AXL: variants seen among roughly 807,000 people sequenced by gnomAD.
The protein encoded by AXL is AXL receptor tyrosine kinase, also known as tyrosine-protein kinase receptor UFO.
AXL carries 52 observed loss-of-function variants against 104.5 expected under a neutral mutation model. That is an observed-to-expected ratio of 0.50 (90% confidence interval 0.40 to 0.63). The LOEUF (loss-of-function observed/expected upper bound fraction) is 0.63, where lower values mean the gene tolerates loss of function less well. Among genes scored for constraint, AXL ranks in the 20% least tolerant of loss-of-function variants. AXL has a pLI of 0.00. For synonymous variants in AXL, 455 were observed against 473.7 expected, an observed-to-expected ratio of 0.96 and a Z score of 0.51; for missense variants, 1,024 against 1,188.5, an observed-to-expected ratio of 0.86 and a Z score of 2.04.
chr19:41,239,690 A>G lies in AXL; in HGVS notation c.1286-4A>G. The stretch of plus-strand genomic sequence containing the variant: ...CATCTCCTCTCTGTCCTTTCTTCTC[A>G]CAGGGCAAGCACAGCCAGTCCACCA... On this transcript the variant is annotated splice_region_variant and splice_polypyrimidine_tract_variant and intron_variant, in intron 9 of 19. Transcript: ENST00000301178. The G allele has an allele frequency of 6.2e-7, 1 of 1,614,032 alleles. No individual in the cohort carries two copies.
intron 4 of AXL, among the ~76,000 whole-genome samples, chr19:41,227,488 C>CTT (rs34569295): frequency 9.4e-4 from 127 of 135,482 alleles, no homozygotes; most frequent in African/African-American, 7.3e-4. Context: ...ACCCTGGGGC[C>CTT]TTTTTTTTTT....
At chr19:41,235,267 C>T (rs1397164349) in intron 6 of AXL, among the ~76,000 whole-genome samples, 1 of 152,088 alleles carries the variant, frequency 6.6e-6, no homozygotes, top group Non-Finnish European at 1.5e-5. Flanking sequence ...AAGAGAATCA[C>T]TTGAACCTGG....
intron 11 of AXL, 37 bp downstream of exon 11, chr19:41,243,052 G>A: frequency 6.2e-7 from 1 of 1,613,578 alleles, no homozygotes. Context: ...GTGTGGCCTG[G>A]GATGGAGAGG....
intron 9 of AXL, 25 bp from the exon 10 acceptor site, chr19:41,239,669 T>C: frequency 6.2e-7 from 1 of 1,614,082 alleles, no homozygotes; most frequent in South Asian, 1.1e-5. Flanking sequence ...TGAGCACATC[T>C]CCTCTCTGTC....
intron 1 of AXL, among the ~76,000 whole-genome samples, chr19:41,219,837 C>A (rs959890067): frequency 6.6e-6 from 1 of 151,566 alleles, no homozygotes. Flanking sequence ...GAAGGGGCAC[C>A]GAGTCAGGCA....
intron 8 of AXL, 120 bp downstream of exon 8, chr19:41,238,729 G>T (rs2034128381): frequency 3.7e-6 from 5 of 1,352,330 alleles, no homozygotes; most frequent in East Asian, 2.5e-5. Context: ...TGCCTAGGGG[G>T]CACATTCAGG....
At chr19:41,243,266 A>G (rs917815660) in intron 11 of AXL, among the ~76,000 whole-genome samples, 1 of 152,208 alleles carries the variant, frequency 6.6e-6, no homozygotes, top group Non-Finnish European at 1.5e-5. Context: ...TGAAAAATGC[A>G]AAAATTAGCG....
intron 6 of AXL, among the ~76,000 whole-genome samples, chr19:41,233,374 C>G (rs566880363): frequency 2.0e-5 from 3 of 148,714 alleles, no homozygotes; most frequent in Non-Finnish European, 3.0e-5. Flanking sequence ...ATCTGCTTGT[C>G]GTTTTAAACC....
At position 41,242,995 on chromosome 19, in the gene AXL, AAAG is replaced by A. The variant is rs1239260780; in HGVS notation, c.1429_1431del (p.Lys477del). The A allele has an allele frequency of 3.1e-6, 5 of 1,614,152 alleles. No individual in the cohort carries two copies. In the South Asian group the frequency reaches 3.3e-5, roughly 11 times the overall value. On this transcript the variant is annotated inframe_deletion, in exon 11 of 20. Coordinates refer to ENST00000301178, the MANE Select transcript of AXL (RefSeq NM_021913.5). The stretch of plus-strand genomic sequence containing the variant: ...TGGCTCTCTTCCTTGTCCACCGGCG[AAAG>A]AAGGAGACCCGTTATGGGTGAGTTG...
In AXL at chr19:41,256,439, C is replaced by G. The variant is rs919576259; in HGVS notation, c.2037-13C>G. On this transcript the variant is annotated splice_polypyrimidine_tract_variant and intron_variant, in intron 17 of 19. Transcript: ENST00000301178. ...TGATGCCCTGACCCTGTTCCTTTCCCCAATCCAAACAGGCTGAATGAGAAC... is the reference window on the plus strand; with the variant it reads ...TGATGCCCTGACCCTGTTCCTTTCCGCAATCCAAACAGGCTGAATGAGAAC... The G allele has an allele frequency of 1.9e-6, 3 of 1,608,170 alleles. No individual in the cohort carries two copies. The highest frequency in any genetic ancestry group is 1.7e-5 in the Admixed American group (1 of 59,940).
At position 41,220,640 on chromosome 19, in the gene AXL, G is replaced by T. The variant is rs201764420; in HGVS notation, c.90G>T (p.Thr30=). The change falls in exon 2 of 20, where the codon ACG becomes ACT. Residue 30 remains threonine, a synonymous_variant. Coordinates refer to ENST00000301178, the MANE Select transcript of AXL (RefSeq NM_021913.5). ...CGWACMAPRG[T]QAEESPFVGN... Reference sequence around the variant, plus strand: ...CTCTTCCCATCTCCCCTCCAGGCACGCAGGCTGAAGAAAGTCCCTTCGTGG... The same window carrying T: ...CTCTTCCCATCTCCCCTCCAGGCACTCAGGCTGAAGAAAGTCCCTTCGTGG... The T allele has an allele frequency of 3.2e-6, 5 of 1,571,964 alleles. No homozygotes were observed. In the African/African-American group the frequency reaches 5.4e-5, roughly 17 times the overall value.
rs1267961975 is a variant in AXL, at chr19:41,230,974, C to A, written c.594C>A (p.Asn198Lys). 1.9e-6 allele frequency: 3 copies of A among 1,613,876 alleles called. No homozygotes were observed. Among genetic ancestry groups the A allele is most frequent in the African/African-American group, 2.7e-5 (2 of 74,996 alleles). The change falls in exon 5 of 20, where the codon AAC (asparagine) becomes AAA (lysine). Residue 198 changes from asparagine (N) to lysine (K), a missense_variant. Physicochemically the swap from Asn to Lys is moderately conservative, Grantham distance 94. Coordinates refer to ENST00000301178, the MANE Select transcript of AXL (RefSeq NM_021913.5). ...CCTCATATGACTCCCTAGGGCTGAACAAGACATCCTCTTTCTCCTGCGAAG... is the reference window on the plus strand; with the variant it reads ...CCTCATATGACTCCCTAGGGCTGAAAAAGACATCCTCTTTCTCCTGCGAAG... ...PQRSLHVPGL[N>K]KTSSFSCEAH... is the part of the protein sequence containing the mutation.
chr19:41,257,880 C>T (rs1308391256), intron 19 of AXL, among the ~76,000 whole-genome samples: 1 of 152,272 alleles, frequency 6.6e-6, no homozygotes, highest in Non-Finnish European at 1.5e-5. Context: ...CACCCCCAAG[C>T]CAGGTATCCT....
At chr19:41,230,182 A>G (rs2122217178) in intron 4 of AXL, among the ~76,000 whole-genome samples, 1 of 144,312 alleles carries the variant, frequency 6.9e-6, no homozygotes, top group South Asian at 2.2e-4. Flanking sequence ...TCTGTGTGTG[A>G]GCATATGTGT....
At chr19:41,230,234 ATG>A (rs147921423) in intron 4 of AXL, among the ~76,000 whole-genome samples, 2 of 145,552 alleles carry the variant, frequency 1.4e-5, no homozygotes, top group Non-Finnish European at 3.0e-5. Flanking sequence ...GGGTGTAAGA[ATG>A]TGTGTGTGTG....
chr19:41,238,664 CAT>C, intron 8 of AXL, 55 bp downstream of exon 8: 1 of 1,549,754 alleles, frequency 6.5e-7, no homozygotes, highest in South Asian at 1.2e-5. Context: ...GGGAGGAGAA[CAT>C]ATCAGGGCAG....
At chr19:41,220,611 C>CT (rs1463843177) in intron 1 of AXL, 25 bp from the exon 2 acceptor site, 2 of 1,544,760 alleles carry the variant, frequency 1.3e-6, no homozygotes, top group African/African-American at 2.7e-5. Flanking sequence ...GGTTCCTAAG[C>CT]TAACTCTTCC....
intron 3 of AXL, chr19:41,221,516 A>G: frequency 2.0e-6 from 1 of 496,020 alleles, no homozygotes. Flanking sequence ...AGACACCATC[A>G]GGTCACAGGA....
intron 15 of AXL, 24 bp from the exon 16 acceptor site, chr19:41,252,822 G>A (rs781400963): frequency 2.5e-6 from 4 of 1,613,148 alleles, no homozygotes; most frequent in Non-Finnish European, 3.4e-6. Context: ...CAGCAGGAGT[G>A]ACAGGGCTAC....
Sources: allele counts gnomAD v4.1 joint callset (sites outside exome capture counted in the v4.1 genomes callset), GRCh38; gene constraint gnomAD v4.1.1; transcripts MANE v1.5; gene names NCBI Gene and HGNC (gene_info 2026-07-23, HGNC 2026-07-21).